NPAS4: variants seen among roughly 807,000 people sequenced by gnomAD.
NPAS4 encodes the protein neuronal PAS domain protein 4.
In NPAS4, 10 loss-of-function variants were observed where a neutral mutation model predicts 64.0. That is an observed-to-expected ratio of 0.16 (90% confidence interval 0.10 to 0.26). NPAS4 has a LOEUF of 0.26. Among genes scored for constraint, NPAS4 ranks in the 10% least tolerant of loss-of-function variants. The pLI is 1.00. For synonymous variants in NPAS4, 441 were observed against 411.7 expected, an observed-to-expected ratio of 1.07 and a Z score of -0.86; for missense variants, 886 against 992.6, an observed-to-expected ratio of 0.89 and a Z score of 1.44.
At chr11:66,415,000 G>A in the NPAS4 span, among the ~76,000 whole-genome samples, 20 of 152,264 alleles carry the variant, frequency 1.3e-4, no homozygotes, top group Admixed American at 1.0e-3. Context: ...TGGAGGCTTC[G>A]GGAGGCCCAA....
At chr11:66,418,107 G>C (rs570838499), upstream of NPAS4, among the ~76,000 whole-genome samples, 3 of 152,268 alleles carry the variant, frequency 2.0e-5, no homozygotes, top group African/African-American at 7.2e-5. Flanking sequence ...CAGTAGGTTT[G>C]GCTGAGAGGC....
chr11:66,418,906 A>T (rs922745579), upstream of NPAS4, among the ~76,000 whole-genome samples: 1 of 152,072 alleles, frequency 6.6e-6, no homozygotes. Flanking sequence ...GTATTCCTTC[A>T]CTGCAGATTC....
upstream of NPAS4, among the ~76,000 whole-genome samples, chr11:66,418,246 T>C (rs1394856459): frequency 6.6e-6 from 1 of 152,204 alleles, no homozygotes; most frequent in Admixed American, 6.5e-5. Context: ...TAGCTTGTTC[T>C]GCTGCTGCCT....
upstream of NPAS4, among the ~76,000 whole-genome samples, chr11:66,419,552 G>T (rs1022440391): frequency 1.3e-5 from 2 of 152,070 alleles, no homozygotes; most frequent in African/African-American, 4.8e-5. Context: ...TGCGCACACA[G>T]CTACTCCATC....
chr11:66,423,352 G>A (rs775542546), intron 5 of NPAS4, 120 bp downstream of exon 5: 145 of 825,710 alleles, frequency 1.8e-4, no homozygotes, highest in South Asian at 1.0e-4. Context: ...CAACAGTTTC[G>A]GATGCTATAG....
At chr11:66,410,636 G>A in the NPAS4 span, 1 of 152,352 alleles carries the variant, frequency 6.6e-6, no homozygotes, top group Non-Finnish European at 1.5e-5. Flanking sequence ...CATGAACCAA[G>A]GACCTGGTCC....
At chr11:66,419,526 C>A (rs58752760), upstream of NPAS4, among the ~76,000 whole-genome samples, 3 of 152,024 alleles carry the variant, frequency 2.0e-5, no homozygotes, top group Non-Finnish European at 4.4e-5. Context: ...CATTTCCAGC[C>A]ACTTAAGTGA....
chr11:66,416,732 T>C (rs1856675506), upstream of NPAS4: 1 of 152,322 alleles, frequency 6.6e-6, no homozygotes, highest in African/African-American at 2.4e-5. Flanking sequence ...ATTCATTCAT[T>C]CATATTCTTT....
Position 66,421,150 on chromosome 11 carries a change from A to G in NPAS4, c.-30A>G, listed in dbSNP as rs769240034. 7.0e-6 allele frequency: 11 copies of G among 1,564,514 alleles called. No individual in the cohort carries two copies. Among genetic ancestry groups the G allele is most frequent in the Non-Finnish European group, 3.5e-6 (4 of 1,153,540 alleles). On this transcript the variant is annotated 5_prime_UTR_variant, in exon 1 of 8. Coordinates refer to ENST00000311034, the MANE Select transcript of NPAS4 (RefSeq NM_178864.4). ...GGGACGGGAGCGCAGGTGCTCGGGC[A>G]CCCGAGCTGGAGCTCCGCAGCCGCC...
In NPAS4 at chr11:66,422,903, C is replaced by T. The variant is rs1386373153; in HGVS notation, c.660C>T (p.Arg220=). Residue 220 remains arginine (R), a synonymous_variant, in exon 4 of 8, where the codon CGC becomes CGT. Transcript: ENST00000311034. ...ASLFLAMFQS[R]HAKDLALLDI... ...TCTTCCTGGCCATGTTCCAGAGCCG[C>T]CATGCTAAAGACCTGGCTCTACTGG... The T allele has an allele frequency of 6.2e-7, 1 of 1,608,624 alleles. No homozygotes were observed. Among genetic ancestry groups the T allele is most frequent in the South Asian group, 1.1e-5 (1 of 91,078 alleles).
At chr11:66,420,263 T>G (rs1590692126), upstream of NPAS4, among the ~76,000 whole-genome samples, 3 of 152,370 alleles carry the variant, frequency 2.0e-5, no homozygotes, top group East Asian at 5.8e-4. Flanking sequence ...CACTGCAGAC[T>G]ACAGCGCTGA....
upstream of NPAS4, among the ~76,000 whole-genome samples, chr11:66,418,537 G>A (rs919170634): frequency 2.6e-5 from 4 of 152,134 alleles, no homozygotes; most frequent in African/African-American, 9.7e-5. Flanking sequence ...GGCACACAGA[G>A]CTTCTCAACT....
Position 66,424,893 on chromosome 11 carries a change from T to G in NPAS4, c.2003T>G (p.Leu668Arg), listed in dbSNP as rs745965100. ...GAGCCACTTGGAGGACTGGAGCCCC[T>G]GGACTCCAACCTGTCCCTGTCAGGG... The part of the protein sequence containing the change: ...GLEPLGGLEP[L>R]DSNLSLSGAG... The change falls in exon 7 of 8, where the codon CTG (leucine) becomes CGG (arginine). Residue 668 changes from leucine to arginine, a missense_variant. Leu to Arg is a moderately radical substitution (Grantham distance 102). Around this residue, in one of 3 missense-constraint regions of NPAS4, gnomAD observed 820 missense variants for 855.5 expected, o/e 0.96. Transcript: ENST00000311034. 1 of 1,613,410 alleles carries G rather than the reference T, an allele frequency of 6.2e-7. No individual in the cohort carries two copies. The highest frequency in any genetic ancestry group is 8.5e-7 in the Non-Finnish European group (1 of 1,179,724).
Position 66,424,928 on chromosome 11 carries a change from C to A in NPAS4, c.2038C>A (p.Pro680Thr). Reference protein sequence around the residue: ...SNLSLSGAGPPVLSLDLKPWK... With the variant: ...SNLSLSGAGPTVLSLDLKPWK... The stretch of plus-strand genomic sequence containing the variant: ...CCTGTCCCTGTCAGGGGCAGGCCCC[C>A]CTGTGCTCAGCCTGGACCTGAAACC... The change falls in exon 7 of 8, where the codon CCT (proline) becomes ACT (threonine). Residue 680 changes from proline (P) to threonine (T), a missense_variant. Pro to Thr is a conservative substitution (Grantham distance 38). Transcript: ENST00000311034. 1 of 1,614,090 alleles carries A rather than the reference C, an allele frequency of 6.2e-7. No individual in the cohort carries two copies. The highest frequency in any genetic ancestry group is 8.5e-7 in the Non-Finnish European group (1 of 1,180,008).
the NPAS4 span, among the ~76,000 whole-genome samples, chr11:66,415,758 G>T: frequency 1.3e-5 from 2 of 152,200 alleles, no homozygotes; most frequent in Admixed American, 1.3e-4. Context: ...TGCCAGACTT[G>T]CTGTGTGACT....
At chr11:66,423,802 A>G (rs1590695358) in intron 6 of NPAS4, 33 bp from the exon 7 acceptor site, 1 of 1,601,104 alleles carries the variant, frequency 6.2e-7, no homozygotes, top group Admixed American at 1.7e-5. Context: ...TGGACGTCGG[A>G]CCCTTACCAG....
At position 66,426,088 on chromosome 11, in the gene NPAS4, C is replaced by G; in HGVS notation, c.*99C>G. The G allele has an allele frequency of 1.1e-6, 1 of 880,460 alleles. No homozygotes were observed. Among genetic ancestry groups the G allele is most frequent in the Non-Finnish European group, 1.9e-6 (1 of 527,518 alleles). 54.5% of individuals were successfully genotyped at this position (880,460 alleles called of 1,614,324 possible). On this transcript the variant is annotated 3_prime_UTR_variant, in exon 8 of 8. Coordinates refer to ENST00000311034, the MANE Select transcript of NPAS4 (RefSeq NM_178864.4). Reference sequence around the variant, plus strand: ...GGACTGTTGGGGGGATTCTGAGGGCCAGAGGGGGATATATATGATTCCCCA... The same window carrying G: ...GGACTGTTGGGGGGATTCTGAGGGCGAGAGGGGGATATATATGATTCCCCA...
chr11:66,412,406 A>C, the NPAS4 span, among the ~76,000 whole-genome samples: 6 of 152,030 alleles, frequency 3.9e-5, no homozygotes, highest in Admixed American at 3.9e-4. Context: ...AGCCTGGTTT[A>C]CTCCATCTGG....
rs76159120 is a variant in NPAS4, at chr11:66,423,839, A to C, written c.949A>C (p.Met317Leu). 4.1e-4 allele frequency: 664 copies of C among 1,607,886 alleles called. 10 individuals are homozygous for C. In the East Asian group the frequency reaches 0.014, roughly 34 times the overall value. The change falls in exon 7 of 8, where the codon ATG becomes CTG. Residue 317 changes from methionine to leucine, a missense_variant. By Grantham distance (15) the Met-to-Leu change is conservative (BLOSUM62 2). This residue lies in a region of NPAS4 where 820 missense variants were observed against 855.5 expected (regional missense o/e 0.96). Coordinates refer to ENST00000311034, the MANE Select transcript of NPAS4 (RefSeq NM_178864.4). ...ITANNYPISD[M>L]EAWSLRQQLN... is the part of the protein sequence containing the mutation. ...TGCCTCTTCTCTCCTCTCCAGTGACATGGAAGCCTGGAGCCTCCGCCAGCA... is the reference window on the plus strand; with the variant it reads ...TGCCTCTTCTCTCCTCTCCAGTGACCTGGAAGCCTGGAGCCTCCGCCAGCA...
Sources: gnomAD v4.1 joint callset for allele counts (sites outside exome capture counted in the v4.1 genomes callset) on GRCh38, gnomAD v4.1.1 for gene constraint, gnomAD v4.1.1 regional missense constraint, MANE v1.5 for transcripts, NCBI Gene and HGNC (gene_info 2026-07-23, HGNC 2026-07-21) for gene names.